CSTL1: variants seen among roughly 807,000 people sequenced by gnomAD.
CSTL1 encodes cystatin like 1.
Under a neutral mutation model 14.4 loss-of-function variants are expected in CSTL1, and 14 were observed. The observed-to-expected ratio is 0.97, with a 90% CI of 0.64 to 1.52. The LOEUF (loss-of-function observed/expected upper bound fraction) is 1.52. Among genes scored for constraint, CSTL1 ranks in the 40% most tolerant of loss-of-function variants. The pLI is 0.00. For missense variants in CSTL1, 170 were observed against 168.7 expected (o/e 1.01, Z -0.04); for synonymous variants, 72 against 67.5 (o/e 1.07, Z -0.33).
the CSTL1 span, chr20:23,452,779 G>C: frequency 3.1e-6 from 5 of 1,614,020 alleles, no homozygotes; most frequent in African/African-American, 6.7e-5. Context: ...TGGCCAACAG[G>C]AGCTGTAGGG....
chr20:23,452,975 G>A, the CSTL1 span: 4 of 610,794 alleles, frequency 6.5e-6, no homozygotes, highest in South Asian at 5.9e-5. Flanking sequence ...TGAACTCGAG[G>A]GGAGAGCAGC....
chr20:23,454,027 C>A, the CSTL1 span, among the ~76,000 whole-genome samples: 1 of 151,470 alleles, frequency 6.6e-6, no homozygotes. Flanking sequence ...CATCCACATT[C>A]ACAGTGAAAA....
At chr20:23,441,148 T>C (rs1337057941) in intron 2 of CSTL1, among the ~76,000 whole-genome samples, 2 of 152,200 alleles carry the variant, frequency 1.3e-5, no homozygotes, top group African/African-American at 4.8e-5. Context: ...CCTTTAAAGT[T>C]CTCATTTGGC....
chr20:23,453,406 T>C, the CSTL1 span, among the ~76,000 whole-genome samples: 1 of 151,862 alleles, frequency 6.6e-6, no homozygotes, highest in Non-Finnish European at 1.5e-5. Context: ...AGTCCTAGAG[T>C]GGCCTCCGCT....
At chr20:23,450,948 C>G in the CSTL1 span, among the ~76,000 whole-genome samples, 5 of 152,050 alleles carry the variant, frequency 3.3e-5, no homozygotes, top group Non-Finnish European at 7.4e-5. Flanking sequence ...ACCCATTCTT[C>G]CAACCATCTA....
At chr20:23,450,649 G>A in the CSTL1 span, 2 of 1,317,686 alleles carry the variant, frequency 1.5e-6, no homozygotes, top group Non-Finnish European at 1.1e-6. Context: ...AAAAGGAGAA[G>A]GAAGAGGATG....
At chr20:23,440,003 G>A (rs764801641) in intron 1 of CSTL1, 141 bp from the exon 2 acceptor site, 2 of 476,388 alleles carry the variant, frequency 4.2e-6, no homozygotes, top group South Asian at 4.4e-5. Flanking sequence ...AGGGAGAGGG[G>A]CTTGCACGCC....
At chr20:23,457,931 C>A in the CSTL1 span, among the ~76,000 whole-genome samples, 1 of 152,142 alleles carries the variant, frequency 6.6e-6, no homozygotes, top group African/African-American at 2.4e-5. Flanking sequence ...CTGGGGTACC[C>A]TATTTTGTCT....
the CSTL1 span, among the ~76,000 whole-genome samples, chr20:23,456,176 G>C: frequency 6.6e-6 from 1 of 152,184 alleles, no homozygotes; most frequent in Non-Finnish European, 1.5e-5. Context: ...ACTTCCTACT[G>C]TTCCTTTGCA....
At chr20:23,445,122 G>T (rs59499588), downstream of CSTL1, among the ~76,000 whole-genome samples, 3,172 of 151,172 alleles carry the variant, frequency 0.021, 91 homozygotes, top group African/African-American at 0.073. Flanking sequence ...TCATCCACCC[G>T]CCCACCCACT....
At chr20:23,446,335 A>G (rs2405127), downstream of CSTL1, among the ~76,000 whole-genome samples, 41,536 of 151,552 alleles carry the variant, frequency 0.27, 6,549 homozygotes, top group Admixed American at 0.35. Context: ...GGCTCACTGC[A>G]GTCTCCGCCT....
chr20:23,454,092 AACAC>A, the CSTL1 span, among the ~76,000 whole-genome samples: 122 of 151,626 alleles, frequency 8.0e-4, no homozygotes, highest in South Asian at 1.9e-3. Flanking sequence ...TACACACTGA[AACAC>A]ACACACAACA....
the CSTL1 span, among the ~76,000 whole-genome samples, chr20:23,457,208 C>T: frequency 7.9e-5 from 12 of 152,256 alleles, no homozygotes; most frequent in South Asian, 2.5e-3. Context: ...TGCTCTGGAC[C>T]ATCTCAACCC....
the CSTL1 span, chr20:23,452,713 G>A: frequency 7.4e-6 from 12 of 1,613,916 alleles, no homozygotes; most frequent in East Asian, 2.2e-5. Flanking sequence ...CTTCATGGAC[G>A]CTTAGAAAGG....
chr20:23,446,044 T>C (rs1986959382), downstream of CSTL1, among the ~76,000 whole-genome samples: 1 of 152,132 alleles, frequency 6.6e-6, no homozygotes, highest in African/African-American at 2.4e-5. Context: ...GGACTGGTCA[T>C]GAAGGTAGTC....
In CSTL1 at chr20:23,443,992, G is replaced by C. The variant is rs1986904715; in HGVS notation, c.278G>C (p.Arg93Thr). The change falls in exon 3 of 4, where the codon AGG becomes ACG. Residue 93 changes from arginine (R) to threonine (T), a missense_variant. Coordinates refer to ENST00000347397, the MANE Select transcript of CSTL1 (RefSeq NM_138283.1). ...TVKIGWTKCK[R>T]NDTSNSSCPL... Reference sequence around the variant, plus strand: ...AAGATTGGCTGGACCAAATGCAAGAGGAATGACACGAGCAATTCTTCCTGC... The same window carrying C: ...AAGATTGGCTGGACCAAATGCAAGACGAATGACACGAGCAATTCTTCCTGC... 1 of 1,614,072 alleles carries C rather than the reference G, an allele frequency of 6.2e-7. No homozygotes were observed. Among genetic ancestry groups the C allele is most frequent in the Non-Finnish European group, 8.5e-7 (1 of 1,180,004 alleles).
downstream of CSTL1, among the ~76,000 whole-genome samples, chr20:23,447,951 A>G (rs1987000900): frequency 1.3e-5 from 2 of 152,108 alleles, no homozygotes; most frequent in African/African-American, 4.8e-5. Flanking sequence ...CTTTTTGAAC[A>G]TCTTTTATTT....
chr20:23,440,065 G>T (rs1568634559), intron 1 of CSTL1, 79 bp from the exon 2 acceptor site: 1 of 602,158 alleles, frequency 1.7e-6, no homozygotes, highest in Non-Finnish European at 2.9e-6. Context: ...GAACTGAATG[G>T]GTGGTGTAAA....
chr20:23,443,955 A>G lies in CSTL1; in HGVS notation c.241A>G (p.Ile81Val), dbSNP rs1322590118. The G allele has an allele frequency of 1.9e-6, 3 of 1,613,858 alleles. No individual in the cohort carries two copies. The highest frequency in any genetic ancestry group is 1.3e-5 in the African/African-American group (1 of 74,926). Residue 81 changes from isoleucine (I) to valine (V), a missense_variant, in exon 3 of 4, where the codon ATA becomes GTA. By Grantham distance (29) the Ile-to-Val change is conservative. Transcript: ENST00000347397. ...GCAGCTGACGACGGGAGTGGAGTAT[A>G]TAGTCACTGTGAAGATTGGCTGGAC... ...QMQLTTGVEYIVTVKIGWTKC... is the reference protein window; with the variant it reads ...QMQLTTGVEYVVTVKIGWTKC...
Sources: gnomAD v4.1 joint callset for allele counts (sites outside exome capture counted in the v4.1 genomes callset) on GRCh38, gnomAD v4.1.1 for gene constraint, MANE v1.5 for transcripts, NCBI Gene and HGNC (gene_info 2026-07-23, HGNC 2026-07-21) for gene names.